The following GALNT13 variants were observed in gnomAD, a reference collection of about 807,000 sequenced individuals.
GALNT13 encodes the protein polypeptide N-acetylgalactosaminyltransferase 13.
A neutral mutation model predicts 64.2 loss-of-function variants in GALNT13; 28 were observed. The observed-to-expected ratio is 0.44, with a 90% CI of 0.32 to 0.60. GALNT13 has a LOEUF of 0.60. GALNT13 is among the 20% of genes least tolerant of loss of function. The pLI is 0.05. For synonymous variants in GALNT13, 214 were observed against 224.6 expected, an observed-to-expected ratio of 0.95 and a Z score of 0.42; for missense variants, 577 against 669.8, an observed-to-expected ratio of 0.86 and a Z score of 1.53.
chr2:153,397,128 A>G, the GALNT13 span, among the ~76,000 whole-genome samples: 1 of 152,304 alleles, frequency 6.6e-6, no homozygotes, highest in Non-Finnish European at 1.5e-5. Context: ...TTATATTTAC[A>G]ACATCTAACC....
chr2:154,217,858 G>A (rs953859028), intron 4 of GALNT13, among the ~76,000 whole-genome samples: 3 of 152,064 alleles, frequency 2.0e-5, no homozygotes, highest in Non-Finnish European at 4.4e-5. Context: ...TGTGTGAACA[G>A]AATTTATATG....
At chr2:153,070,740 G>T in the GALNT13 span, among the ~76,000 whole-genome samples, 1 of 152,120 alleles carries the variant, frequency 6.6e-6, no homozygotes, top group Admixed American at 6.6e-5. Flanking sequence ...AACAGGCTTT[G>T]TATTCTTTGG....
rs563898002 is a variant in GALNT13 at position 154,395,862 on chromosome 2, T to C, written c.1157-129T>C. ...CGATGGTAGTAAAAATCCAGTGGAGTAGCAGCTGCATATGCAATTGAATTT... is the reference window on the plus strand; with the variant it reads ...CGATGGTAGTAAAAATCCAGTGGAGCAGCAGCTGCATATGCAATTGAATTT... On this transcript the variant is annotated intron_variant, in intron 9 of 12. Transcript: ENST00000392825. The C allele has an allele frequency of 3.0e-5, 20 of 665,042 alleles. No individual in the cohort carries two copies. In the East Asian group the frequency reaches 5.2e-4, roughly 17 times the overall value. 41.2% of individuals were successfully genotyped at this position (665,042 alleles called of 1,614,324 possible). A position where few individuals can be genotyped will look rare whatever the true frequency, so the allele number is the denominator to read the frequency against.
the GALNT13 span, among the ~76,000 whole-genome samples, chr2:153,104,069 G>A: frequency 6.6e-6 from 1 of 152,108 alleles, no homozygotes; most frequent in Non-Finnish European, 1.5e-5. Flanking sequence ...TTAGCTCAAT[G>A]CCTTCACAAC....
chr2:154,021,476 A>G (rs1697486670), intron 3 of GALNT13, among the ~76,000 whole-genome samples: 1 of 152,130 alleles, frequency 6.6e-6, no homozygotes, highest in South Asian at 2.1e-4. Flanking sequence ...GTGAATGGGA[A>G]TTCACTCATG....
At chr2:153,137,490 G>A in the GALNT13 span, among the ~76,000 whole-genome samples, 2 of 152,104 alleles carry the variant, frequency 1.3e-5, no homozygotes, top group Admixed American at 1.3e-4. Context: ...GAGGAACTAT[G>A]TTATAATTAC....
At chr2:153,476,750 C>T in the GALNT13 span, among the ~76,000 whole-genome samples, 1 of 152,190 alleles carries the variant, frequency 6.6e-6, no homozygotes, top group Non-Finnish European at 1.5e-5. Flanking sequence ...AAAGTAATAT[C>T]ACAACGACAG....
At chr2:154,035,303 C>T (rs12612618) in intron 3 of GALNT13, among the ~76,000 whole-genome samples, 6 of 151,854 alleles carry the variant, frequency 4.0e-5, no homozygotes, top group Non-Finnish European at 8.8e-5. Context: ...TAAATGAATG[C>T]GAATAACCTG....
chr2:154,232,217 T>G (rs1199160242), intron 4 of GALNT13, among the ~76,000 whole-genome samples: 1 of 152,156 alleles, frequency 6.6e-6, no homozygotes, highest in East Asian at 1.9e-4. Flanking sequence ...AACCTCTTAT[T>G]AAATATATTT....
At chr2:153,174,470 T>A in the GALNT13 span, among the ~76,000 whole-genome samples, 2 of 101,294 alleles carry the variant, frequency 2.0e-5, no homozygotes, top group Non-Finnish European at 5.1e-5. Flanking sequence ...ATTTTCTATT[T>A]TTTTTTTTTT....
the GALNT13 span, among the ~76,000 whole-genome samples, chr2:153,181,596 T>G: frequency 6.8e-6 from 1 of 147,750 alleles, no homozygotes; most frequent in Non-Finnish European, 1.5e-5. Context: ...TTATTGAAAT[T>G]GGGACATTTA....
At chr2:153,596,835 T>G in the GALNT13 span, among the ~76,000 whole-genome samples, 1 of 152,214 alleles carries the variant, frequency 6.6e-6, no homozygotes, top group East Asian at 1.9e-4. Flanking sequence ...AATAACATTC[T>G]ATTTCAGAAT....
chr2:154,159,735 T>A (rs750528087), intron 4 of GALNT13, among the ~76,000 whole-genome samples: 7 of 152,044 alleles, frequency 4.6e-5, no homozygotes, highest in African/African-American at 1.7e-4. Flanking sequence ...AAAAGAGAAA[T>A]TGAAAATAGT....
chr2:153,488,853 A>C, the GALNT13 span, among the ~76,000 whole-genome samples: 3 of 152,198 alleles, frequency 2.0e-5, no homozygotes, highest in Non-Finnish European at 4.4e-5. Context: ...CTCCCTTATT[A>C]GTGGGATTAG....
At chr2:153,419,938 A>G in the GALNT13 span, among the ~76,000 whole-genome samples, 2 of 152,220 alleles carry the variant, frequency 1.3e-5, no homozygotes, top group African/African-American at 4.8e-5. Flanking sequence ...GTCCATCTAT[A>G]TATAGTTTAC....
the GALNT13 span, among the ~76,000 whole-genome samples, chr2:153,597,184 G>A: frequency 6.6e-6 from 1 of 152,052 alleles, no homozygotes; most frequent in Non-Finnish European, 1.5e-5. Context: ...AGTGCAAAAT[G>A]AAAATGTGGG....
At chr2:153,519,700 T>A in the GALNT13 span, among the ~76,000 whole-genome samples, 8 of 152,300 alleles carry the variant, frequency 5.3e-5, no homozygotes, top group South Asian at 1.7e-3. Context: ...GATTAAAAAT[T>A]CTCAACCTTA....
intron 3 of GALNT13, among the ~76,000 whole-genome samples, chr2:154,068,372 A>T (rs762904627): frequency 6.6e-6 from 1 of 152,022 alleles, no homozygotes; most frequent in Non-Finnish European, 1.5e-5. Flanking sequence ...GTATATACCC[A>T]GAAGAAAGGA....
the GALNT13 span, among the ~76,000 whole-genome samples, chr2:153,561,417 T>C: frequency 6.6e-6 from 1 of 152,082 alleles, no homozygotes; most frequent in Admixed American, 6.6e-5. Context: ...AATCCATTTA[T>C]GTTTTATGTG....
Sources: allele counts gnomAD v4.1 joint callset (sites outside exome capture counted in the v4.1 genomes callset), GRCh38; gene constraint gnomAD v4.1.1; transcripts MANE v1.5; gene names NCBI Gene and HGNC (gene_info 2026-07-23, HGNC 2026-07-21).